DYNLT2: variants seen among roughly 807,000 people sequenced by gnomAD.
DYNLT2 encodes the protein dynein light chain Tctex-type 2.
Under a neutral mutation model 24.3 loss-of-function variants are expected in DYNLT2, and 24 were observed. That is an observed-to-expected ratio of 0.99 (90% CI 0.71 to 1.39). DYNLT2 has a LOEUF of 1.39. Ranked by LOEUF, DYNLT2 falls within the 40% of genes most tolerant of loss-of-function variation. The probability of loss-of-function intolerance (pLI) is 0.00; values close to 1 mark genes in which losing one functional copy is unlikely to be tolerated. For synonymous variants in DYNLT2, 85 were observed against 85.4 expected (o/e 1.00, Z 0.03); for missense variants, 246 against 234.5 (o/e 1.05, Z -0.32).
chr6:169,730,755 G>A, the DYNLT2 span, among the ~76,000 whole-genome samples: 5 of 152,108 alleles, frequency 3.3e-5, no homozygotes, highest in African/African-American at 7.2e-5. Context: ...AAAATTAGCC[G>A]GGCATGGTGG....
At position 169,751,466 on chromosome 6, in the gene DYNLT2, T is replaced by C. The variant is rs1790063610; in HGVS notation, c.-8A>G. 6.2e-7 allele frequency: 1 copy of C among 1,613,428 alleles called. No homozygotes were observed. The highest frequency in any genetic ancestry group is 1.7e-5 in the Admixed American group (1 of 59,992). On this transcript the variant is annotated 5_prime_UTR_variant, in exon 1 of 4. Coordinates refer to ENST00000366774, the MANE Select transcript of DYNLT2 (RefSeq NM_174910.3). ...TCGGCCTCGCTTCTCCATCTCGCTC[T>C]GTTCTCCAAGACGCCCACCGCCTCC...
intron 1 of DYNLT2, 82 bp downstream of exon 1, chr6:169,751,257 G>A (rs1007334390): frequency 2.0e-6 from 3 of 1,527,524 alleles, no homozygotes; most frequent in Admixed American, 4.1e-5. Context: ...GGGTGGTGAC[G>A]GGAGCGGGGC....
At chr6:169,732,855 G>T in the DYNLT2 span, among the ~76,000 whole-genome samples, 3 of 152,146 alleles carry the variant, frequency 2.0e-5, no homozygotes, top group Non-Finnish European at 4.4e-5. Context: ...TTGAGGAATT[G>T]CCATACTGTC....
intron 3 of DYNLT2, among the ~76,000 whole-genome samples, chr6:169,742,806 C>A (rs1789708358): frequency 6.6e-6 from 1 of 152,120 alleles, no homozygotes; most frequent in Admixed American, 6.5e-5. Flanking sequence ...ACCATGTTAG[C>A]CAGGCTGGTC....
At chr6:169,745,259 A>G (rs1789770895) in intron 1 of DYNLT2, among the ~76,000 whole-genome samples, 1 of 151,830 alleles carries the variant, frequency 6.6e-6, no homozygotes, top group Non-Finnish European at 1.5e-5. Flanking sequence ...CTCCCAACTA[A>G]TTTTTTTGTT....
rs1454197472 is a variant in DYNLT2 at position 169,748,524 on chromosome 6, G to A, written c.120+2815C>T. Among the ~76,000 whole-genome samples the A allele has an allele frequency of 2.0e-5, 3 of 152,184 alleles. No homozygotes were observed. The East Asian group carries it at 5.8e-4, about 29-fold the overall frequency. ...AATTACTCCATATTGGCTGCGAGTAGAAGTCCCTCACATAAATAAATCTCT... is the reference window on the plus strand; with the variant it reads ...AATTACTCCATATTGGCTGCGAGTAAAAGTCCCTCACATAAATAAATCTCT... On this transcript the variant is annotated intron_variant, in intron 1 of 3. Transcript: ENST00000366774.
At chr6:169,734,636 C>T in the DYNLT2 span, among the ~76,000 whole-genome samples, 12 of 152,110 alleles carry the variant, frequency 7.9e-5, no homozygotes, top group African/African-American at 2.4e-4. Flanking sequence ...GGGATGAAGC[C>T]GACTTGATCG....
chr6:169,729,931 C>T, the DYNLT2 span, among the ~76,000 whole-genome samples: 1 of 151,990 alleles, frequency 6.6e-6, no homozygotes, highest in African/African-American at 2.4e-5. Context: ...TTTAAGCAAC[C>T]CAGTCTAAGG....
rs989779694 is a variant in DYNLT2, at chr6:169,740,252, A to G, written c.530T>C (p.Val177Ala). Residue 177 changes from valine to alanine, a missense_variant, in exon 4 of 4, where the codon GTC becomes GCC. Transcript: ENST00000366774. ...GGATTCTGCTTCGTGTTTAGCTGCG[A>G]CCCAGCTGTCCCATGCAATGTCCCA... Reference protein sequence around the residue: ...WIWDIAWDSWVAAKHEAESYV... With the variant: ...WIWDIAWDSWAAAKHEAESYV... 9.3e-6 allele frequency: 15 copies of G among 1,614,098 alleles called. No individual in the cohort carries two copies. The highest frequency in any genetic ancestry group is 1.1e-5 in the Non-Finnish European group (13 of 1,179,982).
At chr6:169,727,167 C>T in the DYNLT2 span, among the ~76,000 whole-genome samples, 2 of 152,128 alleles carry the variant, frequency 1.3e-5, no homozygotes, top group African/African-American at 2.4e-5. Flanking sequence ...GCTATTTCAG[C>T]AAAGTGGTGG....
At chr6:169,740,034 T>G, downstream of DYNLT2, 1 of 578,526 alleles carries the variant, frequency 1.7e-6, no homozygotes, top group South Asian at 2.5e-5. Context: ...AAAATCTGGC[T>G]TCTACTTTGT....
intron 2 of DYNLT2, 70 bp downstream of exon 2, chr6:169,743,998 G>C: frequency 7.0e-7 from 1 of 1,432,448 alleles, no homozygotes; most frequent in Non-Finnish European, 9.6e-7. Context: ...AAATTTCTTC[G>C]TATATATAAT....
At chr6:169,734,214 T>A in the DYNLT2 span, among the ~76,000 whole-genome samples, 1 of 152,236 alleles carries the variant, frequency 6.6e-6, no homozygotes, top group African/African-American at 2.4e-5. Flanking sequence ...AAATATAAAA[T>A]CATGTCATCT....
chr6:169,745,264 T>TG (rs1056157402), intron 1 of DYNLT2, among the ~76,000 whole-genome samples: 4 of 151,918 alleles, frequency 2.6e-5, no homozygotes, highest in African/African-American at 4.8e-5. Context: ...AACTAATTTT[T>TG]TTGTTGTTGT....
downstream of DYNLT2, chr6:169,738,852 C>T (rs11751059): frequency 6.6e-6 from 1 of 152,200 alleles, no homozygotes; most frequent in African/African-American, 2.4e-5. Context: ...GAGTGATTTT[C>T]TAAGAATAAT....
In DYNLT2 at chr6:169,743,216, T is replaced by A. The variant is rs1029281509; in HGVS notation, c.350A>T (p.Tyr117Phe). 6.4e-7 allele frequency: 1 copy of A among 1,552,046 alleles called. No homozygotes were observed. ...ILTESLKDVKYDDKVFSHLSL... is the reference protein window; with the variant it reads ...ILTESLKDVKFDDKVFSHLSL... ...CAAGTGAGAGAATACTTTATCATCA[T>A]ATTTGACATCTTTAAGACTTTCCTT... Residue 117 changes from tyrosine to phenylalanine, a missense_variant, in exon 3 of 4, where the codon TAT becomes TTT. Tyr to Phe is a conservative substitution (Grantham distance 22, BLOSUM62 3). Transcript: ENST00000366774.
chr6:169,747,926 T>C (rs1165842007), intron 1 of DYNLT2, among the ~76,000 whole-genome samples: 1 of 152,216 alleles, frequency 6.6e-6, no homozygotes, highest in African/African-American at 2.4e-5. Context: ...ACAAAGACAT[T>C]TGGAAACAGT....
chr6:169,730,924 A>T, the DYNLT2 span, among the ~76,000 whole-genome samples: 3 of 152,120 alleles, frequency 2.0e-5, no homozygotes, highest in Non-Finnish European at 4.4e-5. Flanking sequence ...AAAGTTATGT[A>T]TCTGAATACT....
At chr6:169,735,957 T>G (rs1192565194), downstream of DYNLT2, among the ~76,000 whole-genome samples, 2 of 152,206 alleles carry the variant, frequency 1.3e-5, no homozygotes, top group African/African-American at 4.8e-5. Flanking sequence ...GTTTTATGAA[T>G]TTGAGTGCTC....
Sources: gnomAD v4.1 joint callset for allele counts (sites outside exome capture counted in the v4.1 genomes callset) on GRCh38, gnomAD v4.1.1 for gene constraint, MANE v1.5 for transcripts, NCBI Gene and HGNC (gene_info 2026-07-23, HGNC 2026-07-21) for gene names.